Variants in XIRP2 observed in about 807,000 individuals in gnomAD.
XIRP2 encodes the protein xin actin binding repeat containing 2, also known as xin actin-binding repeat-containing protein 2.
In XIRP2, 236 loss-of-function variants were observed where a neutral mutation model predicts 277.0. The observed-to-expected ratio is 0.85, with a 90% CI of 0.77 to 0.95. The LOEUF is 0.95. XIRP2 is among the 40% of genes least tolerant of loss of function. XIRP2 has a pLI of 0.00. For synonymous variants in XIRP2, 1,490 were observed against 1,416.5 expected (o/e 1.05, Z -1.17); for missense variants, 4,640 against 4,157.5 (o/e 1.12, Z -3.19).
At chr2:167,165,734 A>AT (rs1312253072) in intron 3 of XIRP2, among the ~76,000 whole-genome samples, 2 of 152,210 alleles carry the variant, frequency 1.3e-5, no homozygotes, top group African/African-American at 4.8e-5. Flanking sequence ...TATTTTGGAT[A>AT]ACAGTCCCTT....
intron 2 of XIRP2, among the ~76,000 whole-genome samples, chr2:167,073,940 A>G (rs2105253886): frequency 6.6e-6 from 1 of 152,302 alleles, no homozygotes; most frequent in Non-Finnish European, 1.5e-5. Flanking sequence ...TTTTAAAATA[A>G]TTTCTTCACT....
intron 3 of XIRP2, among the ~76,000 whole-genome samples, chr2:167,165,227 G>A (rs895739546): frequency 1.3e-5 from 2 of 152,042 alleles, no homozygotes; most frequent in Middle Eastern, 3.2e-3. Context: ...ATATGCCACC[G>A]CTTTTTGTCC....
At chr2:167,005,821 G>T (rs1335789648) in intron 2 of XIRP2, among the ~76,000 whole-genome samples, 4 of 151,358 alleles carry the variant, frequency 2.6e-5, no homozygotes, top group Non-Finnish European at 5.9e-5. Flanking sequence ...CTGGCTGTTT[G>T]CTGAGCCAAA....
chr2:167,129,687 A>G (rs966769171), intron 2 of XIRP2, among the ~76,000 whole-genome samples: 1 of 152,054 alleles, frequency 6.6e-6, no homozygotes, highest in African/African-American at 2.4e-5. Context: ...CCTGAACAAC[A>G]TGGAGAAACC....
At chr2:167,170,960 C>T (rs1692673413) in intron 3 of XIRP2, among the ~76,000 whole-genome samples, 1 of 142,612 alleles carries the variant, frequency 7.0e-6, no homozygotes, top group Non-Finnish European at 1.5e-5. Flanking sequence ...AGTGCAGTGG[C>T]CCAATCTCAG....
At chr2:167,007,362 G>A (rs1687530716) in intron 2 of XIRP2, among the ~76,000 whole-genome samples, 1 of 151,548 alleles carries the variant, frequency 6.6e-6, no homozygotes, top group Non-Finnish European at 1.5e-5. Flanking sequence ...ATTATTCTTT[G>A]TATATAACAA....
intron 2 of XIRP2, among the ~76,000 whole-genome samples, chr2:166,930,186 TTTA>T (rs1240521107): frequency 6.6e-6 from 1 of 152,124 alleles, no homozygotes; most frequent in African/African-American, 2.4e-5. Flanking sequence ...GGCACTTCCA[TTTA>T]TTTTTAATGG....
intron 2 of XIRP2, among the ~76,000 whole-genome samples, chr2:167,056,018 T>C (rs1689028721): frequency 6.6e-6 from 1 of 152,198 alleles, no homozygotes; most frequent in Non-Finnish European, 1.5e-5. Context: ...ACCTTCTTTT[T>C]CATCTTATTT....
chr2:166,999,330 T>C (rs1229415945), intron 2 of XIRP2, among the ~76,000 whole-genome samples: 1 of 152,160 alleles, frequency 6.6e-6, no homozygotes, highest in African/African-American at 2.4e-5. Flanking sequence ...TTATTCTGTT[T>C]ATTTCTCTCT....
chr2:167,050,681 CA>C (rs770996847), intron 2 of XIRP2, among the ~76,000 whole-genome samples: 1 of 151,786 alleles, frequency 6.6e-6, no homozygotes, highest in Non-Finnish European at 1.5e-5. Context: ...AAGATAGGAT[CA>C]GGTAAAAGCA....
At chr2:167,044,103 A>T (rs1359958397) in intron 2 of XIRP2, among the ~76,000 whole-genome samples, 1 of 152,128 alleles carries the variant, frequency 6.6e-6, no homozygotes. Context: ...CATCCCTGGG[A>T]TGCCAGGCTG....
At chr2:167,170,991 C>A (rs978979301) in intron 3 of XIRP2, among the ~76,000 whole-genome samples, 3 of 150,682 alleles carry the variant, frequency 2.0e-5, no homozygotes, top group African/African-American at 7.3e-5. Flanking sequence ...CCTCCGCCTC[C>A]AGGGTTCAAG....
rs138339898 is a variant in XIRP2, at chr2:167,035,755, G to A, written c.409-100154G>A. Among the ~76,000 whole-genome samples the A allele has an allele frequency of 1.2e-3, 188 of 152,132 alleles. 1 individual carries two copies. The highest frequency in any genetic ancestry group is 4.2e-3 in the African/African-American group (175 of 41,518). On this transcript the variant is annotated intron_variant, in intron 2 of 10. Coordinates refer to ENST00000409195, the MANE Select transcript of XIRP2 (RefSeq NM_152381.6). Reference sequence around the variant, plus strand: ...TAATCCCCAAGACCATGGAGAAAATGTCTCCAGGCCATGTCTGGGAACTTC... The same window carrying A: ...TAATCCCCAAGACCATGGAGAAAATATCTCCAGGCCATGTCTGGGAACTTC...
At chr2:166,934,194 GCA>G (rs1685427624) in intron 2 of XIRP2, among the ~76,000 whole-genome samples, 1 of 62,698 alleles carries the variant, frequency 1.6e-5, no homozygotes, top group African/African-American at 9.7e-5. Context: ...AAAATCAACA[GCA>G]AAAAAAAAAA....
chr2:167,115,965 C>T (rs915527428), intron 2 of XIRP2, among the ~76,000 whole-genome samples: 1 of 152,092 alleles, frequency 6.6e-6, no homozygotes, highest in Non-Finnish European at 1.5e-5. Flanking sequence ...TGTTTTTGAT[C>T]TCTAGATTGA....
chr2:167,095,988 C>T (rs571962448), intron 2 of XIRP2, among the ~76,000 whole-genome samples: 7 of 149,384 alleles, frequency 4.7e-5, no homozygotes, highest in African/African-American at 1.7e-4. Flanking sequence ...ATTCTTCTGC[C>T]TCTGCCTCCC....
chr2:167,240,641 T>C, intron 6 of XIRP2, 23 bp from the exon 7 acceptor site: 1 of 1,605,748 alleles, frequency 6.2e-7, no homozygotes, highest in South Asian at 1.1e-5. Context: ...AACAATTTAT[T>C]TTCAAATTCT....
chr2:166,970,530 C>T (rs1293071758), intron 2 of XIRP2, among the ~76,000 whole-genome samples: 1 of 151,894 alleles, frequency 6.6e-6, no homozygotes, highest in Non-Finnish European at 1.5e-5. Flanking sequence ...GACAGTGTAT[C>T]TGATTCTCTT....
chr2:167,181,900 C>G (rs1387019436), intron 3 of XIRP2, among the ~76,000 whole-genome samples: 1 of 152,138 alleles, frequency 6.6e-6, no homozygotes, highest in Non-Finnish European at 1.5e-5. Flanking sequence ...CCTGTTTCCC[C>G]TGGACCATCC....
Sources: allele counts gnomAD v4.1 joint callset (sites outside exome capture counted in the v4.1 genomes callset), GRCh38; gene constraint gnomAD v4.1.1; transcripts MANE v1.5; gene names NCBI Gene and HGNC (gene_info 2026-07-23, HGNC 2026-07-21).